SLCO1B1: variants seen among roughly 807,000 people sequenced by gnomAD.
SLCO1B1 encodes the protein solute carrier organic anion transporter family member 1B1.
In SLCO1B1, 81 loss-of-function variants were observed where a neutral mutation model predicts 70.1. That is an observed-to-expected ratio of 1.16 (90% confidence interval 0.97 to 1.39). The LOEUF (loss-of-function observed/expected upper bound fraction) is 1.39, where lower values mean the gene tolerates loss of function less well. SLCO1B1 is among the 40% of genes most tolerant of loss of function. SLCO1B1 has a pLI of 0.00. For synonymous variants in SLCO1B1, 283 were observed against 271.5 expected (o/e 1.04, Z -0.42); for missense variants, 895 against 799.6 (o/e 1.12, Z -1.44).
At position 21,212,866 on chromosome 12, in the gene SLCO1B1, A is replaced by G. The variant is rs528130653; in HGVS notation, c.1498-4253A>G. 5.2e-3 allele frequency among the ~76,000 whole-genome samples: 783 copies of G among 151,968 alleles called. 4 individuals are homozygous for G. Among genetic ancestry groups the G allele is most frequent in the Non-Finnish European group, 8.5e-3 (575 of 67,978 alleles). On this transcript the variant is annotated intron_variant, in intron 11 of 14. Coordinates refer to ENST00000256958, the MANE Select transcript of SLCO1B1 (RefSeq NM_006446.5). ...TCTTTGTTGTTTTAAAGTCTGTTTT[A>G]TCAGAGACTAGGATTGCAACCCCTA...
intron 10 of SLCO1B1, among the ~76,000 whole-genome samples, chr12:21,204,914 G>A (rs1378809320): frequency 6.6e-6 from 1 of 151,652 alleles, no homozygotes; most frequent in Non-Finnish European, 1.5e-5. Flanking sequence ...ACTTCATAAA[G>A]TCTTCATATA....
chr12:21,229,895 C>T (rs1941516426), intron 14 of SLCO1B1, among the ~76,000 whole-genome samples: 1 of 152,048 alleles, frequency 6.6e-6, no homozygotes, highest in Non-Finnish European at 1.5e-5. Context: ...ACTCCCAGTA[C>T]CATGTTGAAA....
At chr12:21,203,421 C>A (rs534848244) in intron 10 of SLCO1B1, among the ~76,000 whole-genome samples, 5 of 152,020 alleles carry the variant, frequency 3.3e-5, no homozygotes, top group Admixed American at 3.3e-4. Context: ...CTGAATATAG[C>A]CAACAATTTA....
At chr12:21,145,197 T>A (rs990432045) in intron 2 of SLCO1B1, among the ~76,000 whole-genome samples, 1 of 152,140 alleles carries the variant, frequency 6.6e-6, no homozygotes, top group African/African-American at 2.4e-5. Context: ...AGATAGAAAA[T>A]GAATAAATTG....
chr12:21,157,475 T>A (rs891031895), intron 2 of SLCO1B1, among the ~76,000 whole-genome samples: 1 of 152,100 alleles, frequency 6.6e-6, no homozygotes, highest in Non-Finnish European at 1.5e-5. Context: ...CTATGGAAAC[T>A]GAGAGCTAAT....
intron 14 of SLCO1B1, among the ~76,000 whole-genome samples, chr12:21,225,208 C>CAG (rs1941470861): frequency 6.6e-6 from 1 of 151,842 alleles, no homozygotes; most frequent in South Asian, 2.1e-4. Flanking sequence ...TAGACACAGA[C>CAG]ATATATATAT....
At chr12:21,209,219 C>G (rs1941250751) in intron 11 of SLCO1B1, among the ~76,000 whole-genome samples, 1 of 151,882 alleles carries the variant, frequency 6.6e-6, no homozygotes, top group Non-Finnish European at 1.5e-5. Flanking sequence ...TCCTCCCACC[C>G]CACAACAGTC....
chr12:21,188,424 A>G (rs1300891820), intron 7 of SLCO1B1, among the ~76,000 whole-genome samples: 2 of 152,174 alleles, frequency 1.3e-5, no homozygotes, highest in Non-Finnish European at 2.9e-5. Context: ...TACTATATAT[A>G]ATACATATAA....
rs1428440240 is a variant in SLCO1B1 at position 21,224,826 on chromosome 12, T to C, written c.1852T>C (p.Ser618Pro). The change falls in exon 14 of 15, where the codon TCC becomes CCC. Residue 618 changes from serine to proline, a missense_variant. By Grantham distance (74) the Ser-to-Pro change is moderately conservative. Coordinates refer to ENST00000256958, the MANE Select transcript of SLCO1B1 (RefSeq NM_006446.5). ...ACGTGGGTCATGTAGGACATATAAT[T>C]CCACATCATTTTCGTAAGTTGTCAT... ...GTRGSCRTYNSTSFSRVYLGL... is the reference protein window; with the variant it reads ...GTRGSCRTYNPTSFSRVYLGL... 2.5e-6 allele frequency: 4 copies of C among 1,580,014 alleles called. No individual in the cohort carries two copies. Among genetic ancestry groups the C allele is most frequent in the Non-Finnish European group, 3.5e-6 (4 of 1,153,192 alleles).
intron 2 of SLCO1B1, among the ~76,000 whole-genome samples, chr12:21,145,435 A>C (rs1940367928): frequency 2.0e-5 from 3 of 149,924 alleles, no homozygotes. Flanking sequence ...GAGTAGCTGG[A>C]ACTACAGGCA....
chr12:21,178,949 G>T lies in SLCO1B1; in HGVS notation c.656G>T (p.Gly219Val). Residue 219 changes from glycine (G) to valine (V), a missense_variant, in exon 7 of 15, where the codon GGT becomes GTT. Gly to Val is a moderately radical substitution (Grantham distance 109). Coordinates refer to ENST00000256958, the MANE Select transcript of SLCO1B1 (RefSeq NM_006446.5). ...LGILNAIAMI[G>V]PIIGFTLGSL... ...ATATTGAATGCAATAGCAATGATTG[G>T]TCCAATCATTGGCTTTACCCTGGGA... 6.2e-7 allele frequency: 1 copy of T among 1,611,622 alleles called. No individual in the cohort carries two copies. The highest frequency in any genetic ancestry group is 8.5e-7 in the Non-Finnish European group (1 of 1,178,278).
chr12:21,180,118 T>A (rs1218644279), intron 7 of SLCO1B1, among the ~76,000 whole-genome samples: 1 of 152,156 alleles, frequency 6.6e-6, no homozygotes, highest in Non-Finnish European at 1.5e-5. Context: ...TTTCCCTCCT[T>A]AGATATCTTA....
chr12:21,154,618 T>C (rs1940516230), intron 2 of SLCO1B1, among the ~76,000 whole-genome samples: 1 of 152,130 alleles, frequency 6.6e-6, no homozygotes, highest in Admixed American at 6.6e-5. Context: ...TCTAAAATTT[T>C]AAATTCTAGA....
At chr12:21,174,515 T>C in intron 3 of SLCO1B1, 62 bp from the exon 4 acceptor site, 1 of 1,549,432 alleles carries the variant, frequency 6.5e-7, no homozygotes, top group Non-Finnish European at 8.9e-7. Context: ...CATTCTGGGG[T>C]TTTCAATTCT....
At chr12:21,206,643 C>A (rs1941218306) in intron 11 of SLCO1B1, among the ~76,000 whole-genome samples, 1 of 151,848 alleles carries the variant, frequency 6.6e-6, no homozygotes, top group African/African-American at 2.4e-5. Context: ...GTCAATATGT[C>A]CCATAGAAAT....
Position 21,174,666 on chromosome 12 carries a change from A to G in SLCO1B1, c.316A>G (p.Ile106Val). Residue 106 changes from isoleucine to valine, a missense_variant, in exon 4 of 15, where the codon ATT becomes GTT. Coordinates refer to ENST00000256958, the MANE Select transcript of SLCO1B1 (RefSeq NM_006446.5). ...LIGIGCFIMG[I>V]GGVLTALPHF... ...TGGAATCGGTTGTTTCATTATGGGA[A>G]TTGGAGGTGTTTTGACTGCTTTGCC... The G allele has an allele frequency of 6.2e-7, 1 of 1,611,284 alleles. No individual in the cohort carries two copies. The highest frequency in any genetic ancestry group is 8.5e-7 in the Non-Finnish European group (1 of 1,178,708).
intron 7 of SLCO1B1, among the ~76,000 whole-genome samples, chr12:21,189,416 T>A (rs993840248): frequency 2.0e-5 from 3 of 151,960 alleles, no homozygotes; most frequent in Admixed American, 2.0e-4. Flanking sequence ...TTGGAGAAAT[T>A]TCTATTCAGG....
chr12:21,165,865 T>G (rs990173087), intron 2 of SLCO1B1, among the ~76,000 whole-genome samples: 1 of 152,160 alleles, frequency 6.6e-6, no homozygotes, highest in Non-Finnish European at 1.5e-5. Flanking sequence ...GTTTGTTGTT[T>G]AAGCCATCCG....
chr12:21,166,938 T>A lies in SLCO1B1; in HGVS notation c.85-5712T>A, dbSNP rs1940693956. ...AGGTAAAGCGACCTTGGTACATTCA[T>A]GCAATAGAATAAGAATATTTTTAGT... On this transcript the variant is annotated intron_variant, in intron 2 of 14. Transcript: ENST00000256958. Among the ~76,000 whole-genome samples, 3 of 152,122 alleles carry A rather than the reference T, an allele frequency of 2.0e-5. No individual in the cohort carries two copies. The South Asian group carries it at 6.2e-4, about 32-fold the overall frequency.
Sources: gnomAD v4.1 joint callset for allele counts (sites outside exome capture counted in the v4.1 genomes callset) on GRCh38, gnomAD v4.1.1 for gene constraint, MANE v1.5 for transcripts, NCBI Gene and HGNC (gene_info 2026-07-23, HGNC 2026-07-21) for gene names.